Variants in ITSN2 observed in about 807,000 individuals in gnomAD.
ITSN2 encodes the protein intersectin 2.
A neutral mutation model predicts 243.7 loss-of-function variants in ITSN2; 156 were observed. The ratio of observed to expected loss-of-function variants is 0.64; its 90% CI spans 0.56 to 0.73. The LOEUF is 0.73. Ranked by LOEUF, ITSN2 falls within the 30% of genes least tolerant of loss-of-function variation. The pLI, the probability that ITSN2 is intolerant of heterozygous loss-of-function variation, is 0.00. For missense variants in ITSN2, 1,801 were observed against 1,996.1 expected (o/e 0.90, Z 1.86); for synonymous variants, 703 against 699.9 (o/e 1.00, Z -0.07).
intron 17 of ITSN2, among the ~76,000 whole-genome samples, chr2:24,281,024 G>GGTTT (rs1278530994): frequency 6.6e-6 from 1 of 152,114 alleles, no homozygotes; most frequent in East Asian, 1.9e-4. Flanking sequence ...ATATCAATAG[G>GGTTT]GTTTGTTTGT....
At chr2:24,301,016 A>T in intron 11 of ITSN2, 138 bp downstream of exon 11, 1 of 500,080 alleles carries the variant, frequency 2.0e-6, no homozygotes, top group African/African-American at 1.9e-5. Flanking sequence ...ACCAAAATAC[A>T]TCCCATCTAT....
At chr2:24,313,340 G>T in intron 4 of ITSN2, 120 bp downstream of exon 4, 1 of 729,604 alleles carries the variant, frequency 1.4e-6, no homozygotes, top group African/African-American at 1.8e-5. Flanking sequence ...CTCCCAAAGT[G>T]CTGGCAGAAA....
chr2:24,228,990 G>A (rs1283655644), intron 29 of ITSN2, among the ~76,000 whole-genome samples: 1 of 152,064 alleles, frequency 6.6e-6, no homozygotes, highest in Non-Finnish European at 1.5e-5. Context: ...TTAAGGACCC[G>A]TATGAGATGG....
chr2:24,313,728 C>G (rs1396866520), intron 3 of ITSN2, among the ~76,000 whole-genome samples: 1 of 152,214 alleles, frequency 6.6e-6, no homozygotes, highest in Non-Finnish European at 1.5e-5. Context: ...ATCTGCACTT[C>G]TATTGTATAT....
chr2:24,336,370 G>C (rs1364503992), intron 1 of ITSN2, among the ~76,000 whole-genome samples: 1 of 151,736 alleles, frequency 6.6e-6, no homozygotes, highest in African/African-American at 2.4e-5. Context: ...ACAGCTACTA[G>C]TTTTTTCTTA....
intron 29 of ITSN2, among the ~76,000 whole-genome samples, chr2:24,223,884 G>GAAAT (rs1553344488): frequency 1.6e-5 from 2 of 128,716 alleles, no homozygotes; most frequent in African/African-American, 5.7e-5. Flanking sequence ...AAAAAAGAAA[G>GAAAT]AAGAAAAATA....
rs1249026199 is a variant in ITSN2 at position 24,249,628 on chromosome 2, T to C, written c.3121-746A>G. The stretch of plus-strand genomic sequence containing the variant: ...ACACTGCTCTAAGAGGTTCCATATA[T>C]TCTGCTATTTAATTTTCACAATAAC... On this transcript the variant is annotated intron_variant, in intron 25 of 39. Coordinates refer to ENST00000355123, the MANE Select transcript of ITSN2 (RefSeq NM_006277.3). The surrounding 1 kb of genome is among the most constrained non-coding windows in gnomAD (Gnocchi z 4.4). 6.6e-6 allele frequency among the ~76,000 whole-genome samples: 1 copy of C among 152,222 alleles called. No homozygotes were observed. The highest frequency in any genetic ancestry group is 1.5e-5 in the Non-Finnish European group (1 of 68,038).
chr2:24,346,639 TA>T (rs1464887293), intron 1 of ITSN2, among the ~76,000 whole-genome samples: 1 of 152,186 alleles, frequency 6.6e-6, no homozygotes, highest in Non-Finnish European at 1.5e-5. Flanking sequence ...AAGATATTAA[TA>T]ATAGTGGAAA....
intron 1 of ITSN2, among the ~76,000 whole-genome samples, chr2:24,337,277 G>A (rs1283673721): frequency 3.5e-4 from 1 of 2,864 alleles, no homozygotes; most frequent in Non-Finnish European, 1.1e-3. Context: ...GTGTCTATAT[G>A]TATGTATGTG....
intron 1 of ITSN2, chr2:24,330,374 C>T (rs369094728): frequency 3.5e-5 from 19 of 548,016 alleles, no homozygotes; most frequent in South Asian, 2.8e-4. Context: ...GTGCCAAGTG[C>T]TTACCTCCTG....
chr2:24,296,843 A>C (rs913508642), intron 13 of ITSN2, among the ~76,000 whole-genome samples: 3 of 152,198 alleles, frequency 2.0e-5, no homozygotes, highest in Non-Finnish European at 4.4e-5. Context: ...TCATATTTGA[A>C]ATACATACAC....
chr2:24,343,804 A>C (rs1328393246), intron 1 of ITSN2, among the ~76,000 whole-genome samples: 1 of 152,174 alleles, frequency 6.6e-6, no homozygotes. Context: ...AATATACTCC[A>C]TTTCCTCTAA....
At chr2:24,298,048 G>T (rs541226822) in intron 13 of ITSN2, among the ~76,000 whole-genome samples, 16 of 150,828 alleles carry the variant, frequency 1.1e-4, no homozygotes, top group Admixed American at 3.3e-4. Flanking sequence ...GCAGTGGTGC[G>T]ATCTTGGCTC....
chr2:24,261,499 A>T, intron 21 of ITSN2, 62 bp downstream of exon 21: 1 of 1,277,880 alleles, frequency 7.8e-7, no homozygotes, highest in Non-Finnish European at 1.1e-6. Flanking sequence ...TGACACCATT[A>T]TATATTAGGT....
At chr2:24,317,385 C>CAA (rs780304772) in intron 2 of ITSN2, among the ~76,000 whole-genome samples, 28 of 113,494 alleles carry the variant, frequency 2.5e-4, no homozygotes, top group African/African-American at 5.2e-4. Context: ...GACGCAATCT[C>CAA]AAAAAAAAAA....
chr2:24,301,802 C>T (rs1574225085), intron 10 of ITSN2, among the ~76,000 whole-genome samples, 163 bp downstream of exon 10: 1 of 152,264 alleles, frequency 6.6e-6, no homozygotes, highest in African/African-American at 2.4e-5. Context: ...TGATTACAGG[C>T]GTAAGCTGCC....
chr2:24,220,505 AAC>A, intron 30 of ITSN2: 1 of 1,001,810 alleles, frequency 1.0e-6, no homozygotes, highest in Non-Finnish European at 1.2e-6. Flanking sequence ...CCATGAGGTG[AAC>A]ACTTTCACTG....
At chr2:24,301,583 T>C (rs1442081527) in intron 10 of ITSN2, among the ~76,000 whole-genome samples, 1 of 151,802 alleles carries the variant, frequency 6.6e-6, no homozygotes, top group African/African-American at 2.4e-5. Flanking sequence ...TAGAGTGCTG[T>C]GGCATAATCA....
chr2:24,354,916 A>C (rs919613147), intron 1 of ITSN2, among the ~76,000 whole-genome samples: 2 of 152,234 alleles, frequency 1.3e-5, no homozygotes, highest in African/African-American at 4.8e-5. Context: ...AAATCATTTA[A>C]TGTCCTGATG....
Sources: allele counts gnomAD v4.1 joint callset (sites outside exome capture counted in the v4.1 genomes callset), GRCh38; gene constraint gnomAD v4.1.1; non-coding constraint Gnocchi (gnomAD v3.1); transcripts MANE v1.5; gene names NCBI Gene and HGNC (gene_info 2026-07-23, HGNC 2026-07-21).